The following PIK3R4 variants were observed in gnomAD, a reference collection of about 807,000 sequenced individuals.
PIK3R4 encodes the protein phosphoinositide 3-kinase regulatory subunit 4.
A neutral mutation model predicts 136.5 loss-of-function variants in PIK3R4; 46 were observed. That is an observed-to-expected ratio of 0.34 (90% CI 0.27 to 0.43). PIK3R4 has a LOEUF of 0.43. PIK3R4 is among the 20% of genes least tolerant of loss of function. PIK3R4 has a pLI of 1.00. For synonymous variants in PIK3R4, 557 were observed against 566.7 expected, an observed-to-expected ratio of 0.98 and a Z score of 0.24; for missense variants, 1,331 against 1,649.5, an observed-to-expected ratio of 0.81 and a Z score of 3.35.
At position 130,736,088 on chromosome 3, in the gene PIK3R4, C is replaced by T. The variant is rs2066784380; in HGVS notation, c.734-86G>A. 21 of 1,048,566 alleles carry T rather than the reference C, an allele frequency of 2.0e-5. No individual in the cohort carries two copies. The South Asian group carries it at 3.8e-4, about 19-fold the overall frequency. The allele number at this position is 1,048,566 out of a possible 1,614,324, so 65.0% of individuals were successfully genotyped here. A position where few individuals can be genotyped will look rare whatever the true frequency, so the allele number is the denominator to read the frequency against. On this transcript the variant is annotated intron_variant, in intron 2 of 19. Transcript: ENST00000356763. ...TTGAGAACTCAGACAGTTCATAAAA[C>T]CCAAAATGCAAAACCCCAAAGTAAA...
intron 6 of PIK3R4, among the ~76,000 whole-genome samples, chr3:130,727,224 CTTT>C (rs776308786): frequency 6.9e-6 from 1 of 144,260 alleles, no homozygotes. Context: ...AACTTAAAGT[CTTT>C]TTTTTTTTTT....
chr3:130,732,425 C>T (rs2066764458), intron 4 of PIK3R4, among the ~76,000 whole-genome samples: 1 of 144,936 alleles, frequency 6.9e-6, no homozygotes, highest in Non-Finnish European at 1.5e-5. Context: ...GAAGACAGAG[C>T]TTGTTTTTAA....
intron 13 of PIK3R4, among the ~76,000 whole-genome samples, chr3:130,701,090 T>C (rs2066571818): frequency 6.6e-6 from 1 of 152,138 alleles, no homozygotes; most frequent in South Asian, 2.1e-4. Context: ...TAAAAATCAC[T>C]TGAGAACTAA....
chr3:130,696,510 G>C (rs1469060964), intron 13 of PIK3R4, among the ~76,000 whole-genome samples: 1 of 151,974 alleles, frequency 6.6e-6, no homozygotes, highest in Non-Finnish European at 1.5e-5. Context: ...GAAACGCTGG[G>C]TATTTAGCCA....
rs1355481828 is a variant in PIK3R4, at chr3:130,728,547, C to T, written c.1723G>A (p.Asp575Asn). ...GTAATCATGTGGGACAACAAAACAT[C>T]GTTGGCTTTCTGACGTCCAAAGAAT... ...CVFFGRQKAN[D>N]VLLSHMITFL... The change falls in exon 6 of 20, where the codon GAT becomes AAT. Residue 575 changes from aspartate (D) to asparagine (N), a missense_variant. This residue lies in a region of PIK3R4 where 1,180 missense variants were observed against 1,407.0 expected (regional missense o/e 0.84). Coordinates refer to ENST00000356763, the MANE Select transcript of PIK3R4 (RefSeq NM_014602.3). 4 of 1,613,660 alleles carry T rather than the reference C, an allele frequency of 2.5e-6. No homozygotes were observed. The highest frequency in any genetic ancestry group is 3.3e-5 in the Admixed American group (2 of 59,992).
At chr3:130,681,431 T>G (rs141347959) in intron 17 of PIK3R4, 60 bp downstream of exon 17, 13,754 of 1,118,522 alleles carry the variant, frequency 0.012, 107 homozygotes, top group Non-Finnish European at 0.015. Context: ...ATTAAATGCC[T>G]GAAAGTACTT....
At chr3:130,738,658 G>A (rs1431657696) in intron 2 of PIK3R4, among the ~76,000 whole-genome samples, 14 of 150,612 alleles carry the variant, frequency 9.3e-5, no homozygotes, top group African/African-American at 2.9e-4. Flanking sequence ...GGGTAAGTAC[G>A]GTATCTTATA....
At chr3:130,682,345 GGT>G (rs529531938) in intron 16 of PIK3R4, among the ~76,000 whole-genome samples, 15 of 152,248 alleles carry the variant, frequency 9.9e-5, no homozygotes, top group African/African-American at 3.6e-4. Flanking sequence ...CAAGGAATTT[GGT>G]TCTAGAAGCA....
chr3:130,692,006 T>C (rs183114529), intron 13 of PIK3R4, among the ~76,000 whole-genome samples: 30 of 151,198 alleles, frequency 2.0e-4, no homozygotes, highest in Non-Finnish European at 3.8e-4. Context: ...TCCTGAGTAG[T>C]TGGGACTACA....
chr3:130,740,565 C>G (rs2066816590), intron 2 of PIK3R4, among the ~76,000 whole-genome samples: 2 of 151,950 alleles, frequency 1.3e-5, no homozygotes, highest in Admixed American at 6.6e-5. Context: ...TGGAGAAACC[C>G]TGTCTCTACT....
chr3:130,721,198 A>G (rs564243509), intron 7 of PIK3R4, among the ~76,000 whole-genome samples: 4 of 151,610 alleles, frequency 2.6e-5, no homozygotes, highest in South Asian at 2.1e-4. Context: ...TTAGCCGGGC[A>G]TGGTAGCGGG....
chr3:130,738,508 T>C (rs936574301), intron 2 of PIK3R4, among the ~76,000 whole-genome samples: 2 of 152,142 alleles, frequency 1.3e-5, no homozygotes, highest in Non-Finnish European at 2.9e-5. Context: ...ACTACATATA[T>C]TGCCTGGCTT....
At chr3:130,712,676 G>GA (rs957163752) in intron 9 of PIK3R4, among the ~76,000 whole-genome samples, 22 of 141,714 alleles carry the variant, frequency 1.6e-4, no homozygotes, top group Middle Eastern at 3.6e-3. Flanking sequence ...ATTAAAAAAA[G>GA]AAAAAAAAAA....
chr3:130,716,599 T>C lies in PIK3R4; in HGVS notation c.2128A>G (p.Ile710Val), dbSNP rs139232671. Residue 710 changes from isoleucine (I) to valine (V), a missense_variant and splice_region_variant, in exon 9 of 20, where the codon ATT becomes GTT. Physicochemically the swap from Ile to Val is conservative, Grantham distance 29 (BLOSUM62 3). Coordinates refer to ENST00000356763, the MANE Select transcript of PIK3R4 (RefSeq NM_014602.3). ...DPYITQPIIQ[I>V]ERKLVLLSVL... Reference sequence around the variant, plus strand: ...CTGAGCAGAACAAGTTTTCTTTCAATCTATATTGGAAAAATAAAAAGGATC... The same window carrying C: ...CTGAGCAGAACAAGTTTTCTTTCAACCTATATTGGAAAAATAAAAAGGATC... 6.2e-6 allele frequency: 10 copies of C among 1,602,388 alleles called. No homozygotes were observed. The African/African-American group carries it at 1.1e-4, about 17-fold the overall frequency.
intron 11 of PIK3R4, among the ~76,000 whole-genome samples, chr3:130,706,102 T>A (rs2066604549): frequency 6.6e-6 from 1 of 152,254 alleles, no homozygotes; most frequent in Non-Finnish European, 1.5e-5. Flanking sequence ...GTTCAATTAA[T>A]GTTTTTTATT....
chr3:130,732,783 T>C (rs1001804995), intron 4 of PIK3R4, among the ~76,000 whole-genome samples: 16 of 150,672 alleles, frequency 1.1e-4, no homozygotes, highest in Middle Eastern at 6.8e-3. Flanking sequence ...ATGAATGAAC[T>C]ACATTTCTTT....
chr3:130,744,679 C>T lies in PIK3R4; in HGVS notation c.540G>A (p.Pro180=), dbSNP rs147808310. 79 of 1,614,152 alleles carry T rather than the reference C, an allele frequency of 4.9e-5. No homozygotes were observed. In the African/African-American group the frequency reaches 8.9e-4, roughly 18 times the overall value. Residue 180 remains proline (P), a synonymous_variant, in exon 2 of 20, where the codon CCG becomes CCA. Coordinates refer to ENST00000356763, the MANE Select transcript of PIK3R4 (RefSeq NM_014602.3). Reference sequence around the variant, plus strand: ...TGTCAAAGAAATAATTGAAATCTGCCGGGTTGTCTTCTGGAAGATAAGTGG... The same window carrying T: ...TGTCAAAGAAATAATTGAAATCTGCTGGGTTGTCTTCTGGAAGATAAGTGG... ...FKPTYLPEDN[P]ADFNYFFDTS... is the part of the protein sequence containing the mutation.
At chr3:130,700,049 C>A (rs1276787098) in intron 13 of PIK3R4, among the ~76,000 whole-genome samples, 1 of 152,160 alleles carries the variant, frequency 6.6e-6, no homozygotes, top group Non-Finnish European at 1.5e-5. Flanking sequence ...GAGAGGCCTA[C>A]ATATTCTTTT....
chr3:130,696,253 T>C (rs1286185206), intron 13 of PIK3R4, among the ~76,000 whole-genome samples: 2 of 152,070 alleles, frequency 1.3e-5, no homozygotes, highest in Non-Finnish European at 2.9e-5. Flanking sequence ...GATTTTTTTT[T>C]TTCTATTCTC....
Sources: gnomAD v4.1 joint callset for allele counts (sites outside exome capture counted in the v4.1 genomes callset) on GRCh38, gnomAD v4.1.1 for gene constraint, gnomAD v4.1.1 regional missense constraint, MANE v1.5 for transcripts, NCBI Gene and HGNC (gene_info 2026-07-23, HGNC 2026-07-21) for gene names.